The following BRWD3 variants were observed in gnomAD, a reference collection of about 807,000 sequenced individuals.
The protein encoded by BRWD3 is bromodomain and WD repeat-containing protein 3.
Under a neutral mutation model 149.7 loss-of-function variants are expected in BRWD3, and 10 were observed. The observed-to-expected ratio is 0.07, with a 90% CI of 0.04 to 0.11. The LOEUF (loss-of-function observed/expected upper bound fraction) is 0.11, where lower values mean the gene tolerates loss of function less well. Among genes scored for constraint, BRWD3 ranks in the 10% least tolerant of loss-of-function variants. BRWD3 has a pLI of 1.00. For synonymous variants in BRWD3, 504 were observed against 456.7 expected (o/e 1.10, Z -1.32); for missense variants, 940 against 1,373.2 (o/e 0.68, Z 4.99).
chrX:80,727,060 G>A (rs1038685832), intron 14 of BRWD3, among the ~76,000 whole-genome samples: 1 of 108,835 alleles, frequency 9.2e-6, no homozygotes, highest in Admixed American at 9.9e-5. Context: ...AGAGTACATA[G>A]TTACTAGATC....
intron 34 of BRWD3, 114 bp downstream of exon 34, chrX:80,687,955 T>C: frequency 5.2e-6 from 3 of 581,744 alleles, no homozygotes; most frequent in Admixed American, 4.7e-5. Flanking sequence ...ATACCTAATA[T>C]ACTTAGTTGC....
chrX:80,787,059 AC>A (rs1214757391), intron 6 of BRWD3, among the ~76,000 whole-genome samples: 3 of 111,485 alleles, frequency 2.7e-5, no homozygotes, highest in Non-Finnish European at 3.8e-5. Flanking sequence ...GAAAAAAAAA[AC>A]ATTTCTATCT....
In BRWD3 at chrX:80,808,539, C is replaced by G. The variant is rs2074373665; in HGVS notation, c.180G>C (p.Leu60=). 1 of 1,207,189 alleles carries G rather than the reference C, an allele frequency of 8.3e-7. No homozygotes were observed. Among genetic ancestry groups the G allele is most frequent in the South Asian group, 1.8e-5 (1 of 56,743 alleles). The change falls in exon 4 of 41, where the codon CTG becomes CTC. Residue 60 remains leucine, a splice_region_variant and synonymous_variant. Transcript: ENST00000373275. The stretch of plus-strand genomic sequence containing the variant: ...AAGTTGAAATGAAAACTTTACTCAC[C>G]AGATCCTCGAAGCTTCTTCGGTGCT... The part of the protein sequence containing the change: ...GKEHRRSFED[L]VAANAHIPPD...
At position 80,685,500 on chromosome X, in the gene BRWD3, C is replaced by T; in HGVS notation, c.4042G>A (p.Val1348Ile). ...GAATCTTGTTGTCTTTCTGGAACAA[C>T]AGACTCTGAGGATTCTCCCTCTTGC... ...QEQEGESSES[V>I]VPERQQDSSL... is the part of the protein sequence containing the mutation. Residue 1348 changes from valine to isoleucine, a missense_variant, in exon 36 of 41, where the codon GTT (valine) becomes ATT (isoleucine). Transcript: ENST00000373275. 8.3e-7 allele frequency: 1 copy of T among 1,209,190 alleles called. No individual in the cohort carries two copies. The highest frequency in any genetic ancestry group is 1.1e-6 in the Non-Finnish European group (1 of 893,743).
At chrX:80,808,385 G>A (rs1399941205) in intron 4 of BRWD3, among the ~76,000 whole-genome samples, 154 bp downstream of exon 4, 2 of 107,103 alleles carry the variant, frequency 1.9e-5, no homozygotes, top group African/African-American at 6.8e-5. Context: ...CCCTTTTTCC[G>A]ACTAGCAGGG....
intron 20 of BRWD3, chrX:80,710,153 G>T: frequency 1.9e-6 from 1 of 527,378 alleles, no homozygotes; most frequent in Non-Finnish European, 3.5e-6. Context: ...GCTTACTGAT[G>T]ATGGTAAACT....
rs983905112 is a variant in BRWD3 at position 80,709,903 on chromosome X, C to A, written c.2326-326G>T. 5 of 714,837 alleles carry A rather than the reference C, an allele frequency of 7.0e-6. No homozygotes were observed. The African/African-American group carries it at 1.1e-4, about 15-fold the overall frequency. 58.9% of individuals were successfully genotyped at this position (714,837 alleles called of 1,213,427 possible). ...TGATCCTCAGTTTTGCCAGAGGCTG[C>A]AACCAGACCTGTGCTGGAACCACAT... On this transcript the variant is annotated intron_variant, in intron 20 of 40. Coordinates refer to ENST00000373275, the MANE Select transcript of BRWD3 (RefSeq NM_153252.5).
chrX:80,749,668 C>CA lies in BRWD3; in HGVS notation c.431-3940dup, dbSNP rs776280300. Among the ~76,000 whole-genome samples the CA allele has an allele frequency of 2.0e-4, 22 of 110,324 alleles. No homozygotes were observed. The East Asian group carries it at 6.3e-3, about 32-fold the overall frequency. On this transcript the variant is annotated intron_variant, in intron 6 of 40. Transcript: ENST00000373275. ...CAATGTCAAAAATGTCCATTCTACC[C>CA]AACAACATTTACAGATCTAATGCAA...
chrX:80,798,602 A>G (rs924876918), intron 4 of BRWD3, among the ~76,000 whole-genome samples: 1 of 107,045 alleles, frequency 9.3e-6, no homozygotes, highest in African/African-American at 3.4e-5. Context: ...CTCTATAAAC[A>G]AAGTTTAAGT....
At chrX:80,778,624 G>A (rs1253989389) in intron 6 of BRWD3, among the ~76,000 whole-genome samples, 1 of 112,491 alleles carries the variant, frequency 8.9e-6, no homozygotes, top group African/African-American at 3.2e-5. Flanking sequence ...CAAGCTGTAC[G>A]TAATTAAGCA....
intron 35 of BRWD3, among the ~76,000 whole-genome samples, chrX:80,685,807 G>A (rs2072513782): frequency 9.0e-6 from 1 of 111,510 alleles, no homozygotes; most frequent in African/African-American, 3.3e-5. Context: ...TCCCAACTGA[G>A]ACCTACAGTA....
intron 20 of BRWD3, among the ~76,000 whole-genome samples, chrX:80,713,487 A>G (rs780165962): frequency 1.8e-5 from 2 of 110,172 alleles, no homozygotes; most frequent in Admixed American, 1.9e-4. Flanking sequence ...AGATGCTTGA[A>G]GGCAGCATGC....
intron 6 of BRWD3, 85 bp downstream of exon 6, chrX:80,791,769 T>G: frequency 1.5e-6 from 1 of 682,700 alleles, no homozygotes; most frequent in Non-Finnish European, 2.3e-6. Flanking sequence ...TCCAATTTAA[T>G]TTTGGTACCT....
intron 14 of BRWD3, among the ~76,000 whole-genome samples, chrX:80,726,569 G>A (rs1172669202): frequency 9.1e-6 from 1 of 109,806 alleles, no homozygotes; most frequent in Non-Finnish European, 1.9e-5. Flanking sequence ...CTTATCTTAG[G>A]AACACACCAT....
At chrX:80,683,904 T>C in intron 37 of BRWD3, 106 bp downstream of exon 37, 1 of 762,982 alleles carries the variant, frequency 1.3e-6, no homozygotes, top group South Asian at 2.3e-5. Flanking sequence ...TGTATCTTTA[T>C]GCATGCCTAA....
chrX:80,714,126 C>T (rs192694219), intron 20 of BRWD3, among the ~76,000 whole-genome samples: 19 of 110,827 alleles, frequency 1.7e-4, no homozygotes, highest in African/African-American at 5.6e-4. Context: ...TTTTTAAGTC[C>T]GATAACAAAC....
chrX:80,738,825 CAA>C (rs1183964918), intron 8 of BRWD3, among the ~76,000 whole-genome samples: 4 of 111,509 alleles, frequency 3.6e-5, no homozygotes, highest in Admixed American at 9.6e-5. Context: ...TCAAGAAAAG[CAA>C]AGTGGCCAGC....
At chrX:80,774,836 C>T (rs1569283209) in intron 6 of BRWD3, among the ~76,000 whole-genome samples, 1 of 111,705 alleles carries the variant, frequency 9.0e-6, no homozygotes, top group Non-Finnish European at 1.9e-5. Context: ...CATTCATTTT[C>T]TGTCTATATC....
intron 6 of BRWD3, among the ~76,000 whole-genome samples, chrX:80,775,565 T>C (rs902082814): frequency 1.8e-5 from 2 of 111,954 alleles, no homozygotes; most frequent in Admixed American, 9.6e-5. Context: ...ATTGTAAAGA[T>C]TGCAGAACAC....
Sources: gnomAD v4.1 joint callset for allele counts (sites outside exome capture counted in the v4.1 genomes callset) on GRCh38, gnomAD v4.1.1 for gene constraint, MANE v1.5 for transcripts, NCBI Gene and HGNC (gene_info 2026-07-23, HGNC 2026-07-21) for gene names.